PGM2L1: variants seen among roughly 807,000 people sequenced by gnomAD.
PGM2L1 encodes the protein glucose 1,6-bisphosphate synthase.
Under a neutral mutation model 73.4 loss-of-function variants are expected in PGM2L1, and 35 were observed. The ratio of observed to expected loss-of-function variants is 0.48; its 90% CI spans 0.36 to 0.63. The LOEUF (loss-of-function observed/expected upper bound fraction) is 0.63, where lower values mean the gene tolerates loss of function less well. PGM2L1 is among the 30% of genes least tolerant of loss of function. PGM2L1 has a pLI of 0.00. For missense variants in PGM2L1, 570 were observed against 742.0 expected, an observed-to-expected ratio of 0.77 and a Z score of 2.69; for synonymous variants, 225 against 253.8, an observed-to-expected ratio of 0.89 and a Z score of 1.08.
rs370387756 is a variant in PGM2L1, at chr11:74,351,222, G to A, written c.749+161C>T. 4.6e-5 allele frequency among the ~76,000 whole-genome samples: 7 copies of A among 152,276 alleles called. No homozygotes were observed. In the East Asian group the frequency reaches 1.2e-3, roughly 25 times the overall value. ...CCACATTTTACTTATCCATTCATTA[G>A]TTAATGGTTACTTGGGTTATTTCCA... On this transcript the variant is annotated intron_variant, in intron 6 of 13. Coordinates refer to ENST00000298198, the MANE Select transcript of PGM2L1 (RefSeq NM_173582.6).
At chr11:74,363,417 C>T (rs551120256) in intron 5 of PGM2L1, among the ~76,000 whole-genome samples, 1 of 152,148 alleles carries the variant, frequency 6.6e-6, no homozygotes, top group African/African-American at 2.4e-5. Flanking sequence ...GATAGAGACA[C>T]AGAAAACCCT....
intron 1 of PGM2L1, among the ~76,000 whole-genome samples, chr11:74,379,616 A>C (rs1243878193): frequency 6.6e-6 from 1 of 152,118 alleles, no homozygotes; most frequent in Non-Finnish European, 1.5e-5. Context: ...AAAAGAACAT[A>C]ATATATATTA....
At chr11:74,392,480 AT>A (rs1292835367) in intron 1 of PGM2L1, among the ~76,000 whole-genome samples, 1 of 151,988 alleles carries the variant, frequency 6.6e-6, no homozygotes, top group African/African-American at 2.4e-5. Context: ...AAAAAAAAAA[AT>A]CCATGGCAAT....
chr11:74,359,600 A>G (rs980031827), intron 5 of PGM2L1, among the ~76,000 whole-genome samples: 3 of 152,038 alleles, frequency 2.0e-5, no homozygotes, highest in Non-Finnish European at 4.4e-5. Flanking sequence ...TACACATAGA[A>G]TGAGAAGAAG....
rs1333989855 is a variant in PGM2L1 at position 74,333,640 on chromosome 11, G to T, written c.*3012C>A. The T allele has an allele frequency of 6.6e-6, 1 of 152,176 alleles. No individual in the cohort carries two copies. Among genetic ancestry groups the T allele is most frequent in the Non-Finnish European group, 1.5e-5 (1 of 68,040 alleles). The allele number at this position is 152,176 out of a possible 1,614,324, so 9.4% of individuals were successfully genotyped here. The stretch of plus-strand genomic sequence containing the variant: ...GTGATCACAATAAAGGAAAATGGTA[G>T]GTGCATACTCATCATAACAACAAAT... On this transcript the variant is annotated 3_prime_UTR_variant, in exon 14 of 14. Coordinates refer to ENST00000298198, the MANE Select transcript of PGM2L1 (RefSeq NM_173582.6).
At chr11:74,342,434 T>C (rs554155289) in intron 12 of PGM2L1, 27 bp downstream of exon 12, 110 of 1,404,788 alleles carry the variant, frequency 7.8e-5, no homozygotes, top group Non-Finnish European at 9.1e-5. Context: ...TTTTCTAAAT[T>C]GTTTGGAAAA....
intron 12 of PGM2L1, among the ~76,000 whole-genome samples, chr11:74,339,915 A>G (rs1026863924): frequency 4.6e-5 from 7 of 152,318 alleles, no homozygotes; most frequent in Admixed American, 4.6e-4. Context: ...GTTCTCTAGA[A>G]AGTCTTGCAT....
chr11:74,398,009 T>C, intron 1 of PGM2L1, 42 bp downstream of exon 1: 1 of 1,566,270 alleles, frequency 6.4e-7, no homozygotes, highest in Non-Finnish European at 8.7e-7. Context: ...GCAGACTGTG[T>C]GGGGGAGGCG....
chr11:74,378,205 G>A (rs1402459448), intron 1 of PGM2L1, among the ~76,000 whole-genome samples: 1 of 152,078 alleles, frequency 6.6e-6, no homozygotes, highest in Non-Finnish European at 1.5e-5. Context: ...GGGAGGCTGA[G>A]GCAGGAGAAT....
chr11:74,397,743 TG>T (rs1386015190), intron 1 of PGM2L1: 12 of 216,276 alleles, frequency 5.5e-5, no homozygotes, highest in African/African-American at 3.5e-4. Flanking sequence ...ACAATGATGA[TG>T]ATTTTTTTTT....
intron 1 of PGM2L1, among the ~76,000 whole-genome samples, chr11:74,386,817 T>C (rs574122323): frequency 1.3e-5 from 2 of 152,236 alleles, no homozygotes; most frequent in Non-Finnish European, 2.9e-5. Flanking sequence ...CAAAATGATA[T>C]TTTAACTGAA....
In PGM2L1 at chr11:74,365,474, A is replaced by G. The variant is rs567539554; in HGVS notation, c.555+3018T>C. 2.6e-5 allele frequency among the ~76,000 whole-genome samples: 4 copies of G among 152,332 alleles called. No individual in the cohort carries two copies. The South Asian group carries it at 8.3e-4, about 32-fold the overall frequency. On this transcript the variant is annotated intron_variant, in intron 5 of 13. Coordinates refer to ENST00000298198, the MANE Select transcript of PGM2L1 (RefSeq NM_173582.6). ...TTTTTGCAACCTACTCATCTGACAA[A>G]GGGCTAATATCCAGAATCTACAAAT...
chr11:74,389,614 A>C (rs973361334), intron 1 of PGM2L1, among the ~76,000 whole-genome samples: 9 of 150,912 alleles, frequency 6.0e-5, no homozygotes, highest in African/African-American at 1.7e-4. Context: ...CGCCCAGCTA[A>C]TTTTTTGTAT....
In PGM2L1 at chr11:74,342,492, C is replaced by A; in HGVS notation, c.1601G>T (p.Gly534Val). Reference sequence around the variant, plus strand: ...CTTATTAGGCTGGCTACTGTCATATCCAGTGGTAACGTCCCGTACATGCAA... The same window carrying A: ...CTTATTAGGCTGGCTACTGTCATATACAGTGGTAACGTCCCGTACATGCAA... ...AILHVRDVTT[G>V]YDSSQPNKKS... Residue 534 changes from glycine to valine, a missense_variant, in exon 12 of 14, where the codon GGA becomes GTA. Transcript: ENST00000298198. 1 of 1,554,534 alleles carries A rather than the reference C, an allele frequency of 6.4e-7. No homozygotes were observed. The highest frequency in any genetic ancestry group is 8.7e-7 in the Non-Finnish European group (1 of 1,153,062).
chr11:74,334,731 A>G lies in PGM2L1; in HGVS notation c.*1921T>C, dbSNP rs189010941. On this transcript the variant is annotated 3_prime_UTR_variant, in exon 14 of 14. Transcript: ENST00000298198. The stretch of plus-strand genomic sequence containing the variant: ...ACATTCTAATCAGTTCAAACTTTAT[A>G]TTATTATTTTATATGAAATAAATTC... 1.2e-4 allele frequency: 18 copies of G among 152,320 alleles called. No individual in the cohort carries two copies. The highest frequency in any genetic ancestry group is 1.0e-3 in the Admixed American group (16 of 15,306). 9.4% of individuals were successfully genotyped at this position (152,320 alleles called of 1,614,324 possible).
At position 74,335,116 on chromosome 11, in the gene PGM2L1, C is replaced by T. The variant is rs1029846227; in HGVS notation, c.*1536G>A. On this transcript the variant is annotated 3_prime_UTR_variant, in exon 14 of 14. Transcript: ENST00000298198. ...CCTTTTCAGAAGACTGCATGATTAG[C>T]CAAAAGTGACTTTTTTTTTTTTTGA... The T allele has an allele frequency of 6.6e-6, 1 of 151,474 alleles. No homozygotes were observed. Among genetic ancestry groups the T allele is most frequent in the Admixed American group, 6.6e-5 (1 of 15,164 alleles). 9.4% of individuals were successfully genotyped at this position (151,474 alleles called of 1,614,324 possible).
chr11:74,386,171 T>C (rs1591191443), intron 1 of PGM2L1, among the ~76,000 whole-genome samples: 1 of 152,106 alleles, frequency 6.6e-6, no homozygotes, highest in East Asian at 1.9e-4. Context: ...TTCTTTGGCA[T>C]TAAAACAGGA....
intron 1 of PGM2L1, among the ~76,000 whole-genome samples, chr11:74,381,124 G>A (rs1420071884): frequency 3.3e-5 from 5 of 152,108 alleles, no homozygotes; most frequent in Non-Finnish European, 5.9e-5. Flanking sequence ...AAGTTCAAGG[G>A]TTCCAGTAGC....
At chr11:74,385,067 C>T (rs145355959) in intron 1 of PGM2L1, among the ~76,000 whole-genome samples, 1 of 152,330 alleles carries the variant, frequency 6.6e-6, no homozygotes, top group East Asian at 1.9e-4. Flanking sequence ...CCTTCTTCTT[C>T]CAAATCTTAA....
Sources: allele counts gnomAD v4.1 joint callset (sites outside exome capture counted in the v4.1 genomes callset), GRCh38; gene constraint gnomAD v4.1.1; transcripts MANE v1.5; gene names NCBI Gene and HGNC (gene_info 2026-07-23, HGNC 2026-07-21).